AGT: variants seen among roughly 807,000 people sequenced by gnomAD.
The protein encoded by AGT is alpha-1 antiproteinase, antitrypsin.
AGT carries 26 observed loss-of-function variants against 28.1 expected under a neutral mutation model. The ratio of observed to expected loss-of-function variants is 0.92; its 90% confidence interval spans 0.68 to 1.28. AGT has a LOEUF of 1.28. Ranked by LOEUF, AGT falls within the 50% of genes most tolerant of loss-of-function variation. AGT has a pLI of 0.00. For missense variants in AGT, 596 were observed against 592.3 expected (o/e 1.01, Z -0.06); for synonymous variants, 259 against 259.6 (o/e 1.00, Z 0.02).
chr1:230,725,477 C>T (rs1663924170), intron 1 of AGT, among the ~76,000 whole-genome samples: 2 of 152,162 alleles, frequency 1.3e-5, no homozygotes, highest in Admixed American at 1.3e-4. Context: ...TGTGTGTTTG[C>T]TTTGGCACTC....
chr1:230,709,403 C>T (rs1338700647), intron 2 of AGT, among the ~76,000 whole-genome samples: 1 of 150,120 alleles, frequency 6.7e-6, no homozygotes, highest in Non-Finnish European at 1.5e-5. Flanking sequence ...CACTACACTG[C>T]AGCCTGGGTG....
chr1:230,734,400 G>A (rs926482525), intron 1 of AGT, among the ~76,000 whole-genome samples: 2 of 152,046 alleles, frequency 1.3e-5, no homozygotes, highest in Admixed American at 1.3e-4. Context: ...GGGGAGAATG[G>A]GGAGATTTTG....
At chr1:230,728,230 AT>A (rs2102801425) in intron 1 of AGT, among the ~76,000 whole-genome samples, 1 of 152,286 alleles carries the variant, frequency 6.6e-6, no homozygotes, top group Non-Finnish European at 1.5e-5. Context: ...AGTGATGTTA[AT>A]TATAGGAGTA....
intron 1 of AGT, among the ~76,000 whole-genome samples, chr1:230,742,995 T>G (rs367694625): frequency 1.9e-4 from 29 of 152,210 alleles, no homozygotes; most frequent in African/African-American, 6.5e-4. Context: ...GGGGGGTGTT[T>G]TACTTTTTCT....
intron 1 of AGT, among the ~76,000 whole-genome samples, chr1:230,723,756 C>G (rs1041520669): frequency 2.0e-5 from 3 of 152,154 alleles, no homozygotes; most frequent in Non-Finnish European, 4.4e-5. Flanking sequence ...GTTATCTTCT[C>G]TTTGTCCACT....
chr1:230,706,992 G>T (rs893104859), intron 2 of AGT, among the ~76,000 whole-genome samples: 4 of 152,172 alleles, frequency 2.6e-5, no homozygotes, highest in Non-Finnish European at 5.9e-5. Context: ...AGTGGGCCAC[G>T]CAGGCCCCGG....
At chr1:230,743,762 T>C (rs1449942693) in intron 1 of AGT, among the ~76,000 whole-genome samples, 3 of 152,254 alleles carry the variant, frequency 2.0e-5, no homozygotes, top group African/African-American at 4.8e-5. Context: ...CATGTGAAGC[T>C]TCTGAGCATT....
At chr1:230,711,173 G>A (rs1304529452) in intron 1 of AGT, among the ~76,000 whole-genome samples, 4 of 152,146 alleles carry the variant, frequency 2.6e-5, no homozygotes, top group Non-Finnish European at 5.9e-5. Context: ...AGATGATTAA[G>A]TTAAAATGAG....
chr1:230,710,732 G>A lies in AGT; in HGVS notation c.92C>T (p.Pro31Leu), dbSNP rs746613821. Residue 31 changes from proline to leucine, a missense_variant, in exon 2 of 5, where the codon CCC becomes CTC. Pro to Leu is a moderately conservative substitution (Grantham distance 98). Transcript: ENST00000366667. ...LAAGDRVYIH[P>L]FHLVIHNEST... ...CTCATTGTGGATGACGAGGTGGAAG[G>A]GGTGTATGTACACCCGGTCACCTGC... 7 of 1,614,092 alleles carry A rather than the reference G, an allele frequency of 4.3e-6. No homozygotes were observed. In the Admixed American group the frequency reaches 1.0e-4, roughly 23 times the overall value.
At chr1:230,705,625 G>A (rs1463939197) in intron 3 of AGT, among the ~76,000 whole-genome samples, 1 of 152,228 alleles carries the variant, frequency 6.6e-6, no homozygotes, top group Non-Finnish European at 1.5e-5. Context: ...CTCTCTCAGA[G>A]GGCGGATTGC....
chr1:230,742,135 T>C (rs1655316033), intron 1 of AGT, among the ~76,000 whole-genome samples: 1 of 151,786 alleles, frequency 6.6e-6, no homozygotes, highest in African/African-American at 2.4e-5. Context: ...TATAGAAAAG[T>C]CTCCCCACAT....
In AGT at chr1:230,710,764, G is replaced by T. The variant is rs766427020; in HGVS notation, c.60C>A (p.Gly20=). The T allele has an allele frequency of 1.2e-6, 2 of 1,614,164 alleles. No homozygotes were observed. Among genetic ancestry groups the T allele is most frequent in the Non-Finnish European group, 1.7e-6 (2 of 1,180,012 alleles). The change falls in exon 2 of 5, where the codon GGC becomes GGA. Residue 20 remains glycine, a synonymous_variant. Transcript: ENST00000366667. ...ATILCLLAWA[G]LAAGDRVYIH... ...TGTACACCCGGTCACCTGCAGCCAG[G>T]CCAGCCCAGGCCAGGAGGCAGAGGA...
At chr1:230,722,332 C>T (rs1854053) in intron 1 of AGT, among the ~76,000 whole-genome samples, 7,794 of 152,230 alleles carry the variant, frequency 0.051, 255 homozygotes, top group Middle Eastern at 0.14. Flanking sequence ...GGTGGAGATC[C>T]CATGAAGAAC....
At chr1:230,730,316 C>T (rs1342445372) in intron 1 of AGT, among the ~76,000 whole-genome samples, 1 of 151,968 alleles carries the variant, frequency 6.6e-6, no homozygotes, top group African/African-American at 2.4e-5. Context: ...TCAAGTGATC[C>T]GTCCACCTCG....
chr1:230,709,681 T>C (rs1663513919), intron 2 of AGT, among the ~76,000 whole-genome samples: 1 of 152,194 alleles, frequency 6.6e-6, no homozygotes, highest in Non-Finnish European at 1.5e-5. Flanking sequence ...AGCAAGGCAC[T>C]TTGTTTCTCC....
intron 1 of AGT, among the ~76,000 whole-genome samples, chr1:230,739,213 T>TA (rs1664200991): frequency 6.7e-6 from 1 of 150,240 alleles, no homozygotes; most frequent in African/African-American, 2.5e-5. Context: ...TTTTTTTTTT[T>TA]AATTAGCTGG....
chr1:230,729,732 A>G (rs1664016016), intron 1 of AGT, among the ~76,000 whole-genome samples: 1 of 152,166 alleles, frequency 6.6e-6, no homozygotes, highest in Non-Finnish European at 1.5e-5. Context: ...GTTGCCAGGT[A>G]AAGTTAGAAT....
chr1:230,723,031 C>A (rs1482388109), intron 1 of AGT, among the ~76,000 whole-genome samples: 1 of 152,146 alleles, frequency 6.6e-6, no homozygotes, highest in Non-Finnish European at 1.5e-5. Context: ...CACCTGTAAT[C>A]CCCATGTGTC....
chr1:230,716,270 G>C (rs1440548322), upstream of AGT, among the ~76,000 whole-genome samples: 1 of 152,212 alleles, frequency 6.6e-6, no homozygotes, highest in Non-Finnish European at 1.5e-5. Context: ...ACTGACTGCA[G>C]ACATTTGACC....
Sources: gnomAD v4.1 joint callset for allele counts (sites outside exome capture counted in the v4.1 genomes callset) on GRCh38, gnomAD v4.1.1 for gene constraint, MANE v1.5 for transcripts, NCBI Gene and HGNC (gene_info 2026-07-23, HGNC 2026-07-21) for gene names.